GRIN2A: variants seen among roughly 807,000 people sequenced by gnomAD.
GRIN2A encodes glutamate receptor ionotropic, NMDA 2A.
GRIN2A carries 22 observed loss-of-function variants against 113.4 expected under a neutral mutation model. The observed-to-expected ratio is 0.19, with a 90% CI of 0.14 to 0.28. The LOEUF is 0.28. Among genes scored for constraint, GRIN2A ranks in the 10% least tolerant of loss-of-function variants. The pLI, the probability that GRIN2A is intolerant of heterozygous loss-of-function variation, is 1.00. For missense variants in GRIN2A, 1,502 were observed against 1,887.0 expected, an observed-to-expected ratio of 0.80 and a Z score of 3.78; for synonymous variants, 827 against 738.4, an observed-to-expected ratio of 1.12 and a Z score of -1.94.
intron 4 of GRIN2A, among the ~76,000 whole-genome samples, chr16:9,864,312 G>A (rs770945610): frequency 4.6e-5 from 7 of 152,132 alleles, no homozygotes; most frequent in Non-Finnish European, 8.8e-5. Flanking sequence ...GGTAGACTGT[G>A]ATCCTGGGCT....
rs368110989 is a variant in GRIN2A, at chr16:9,829,413, G to T, written c.2007+10C>A. ...ACCCTCAGATGGAGAGGAAAGCAAG[G>T]TGACCTTACCTTTTTGTCACTGAGG... On this transcript the variant is annotated intron_variant, in intron 9 of 12. Transcript: ENST00000330684. The T allele has an allele frequency of 1.3e-6, 2 of 1,587,278 alleles. No homozygotes were observed. The highest frequency in any genetic ancestry group is 1.3e-5 in the African/African-American group (1 of 74,424).
intron 11 of GRIN2A, among the ~76,000 whole-genome samples, chr16:9,778,687 C>G (rs1303865806): frequency 6.6e-6 from 1 of 152,182 alleles, no homozygotes; most frequent in African/African-American, 2.4e-5. Flanking sequence ...TCACAGGATG[C>G]TTCTTTTACC....
At position 9,884,420 on chromosome 16, in the gene GRIN2A, G is replaced by A. The variant is rs535052304; in HGVS notation, c.1122+6566C>T. ...AAAAGTTAGCCAGGAGTGGCTGCACGTGTCTGTAATGCCAGCTATTCGGGA... is the reference window on the plus strand; with the variant it reads ...AAAAGTTAGCCAGGAGTGGCTGCACATGTCTGTAATGCCAGCTATTCGGGA... On this transcript the variant is annotated intron_variant, in intron 4 of 12. Transcript: ENST00000330684. Among the ~76,000 whole-genome samples the A allele has an allele frequency of 1.7e-3, 253 of 152,104 alleles. 1 individual carries two copies. The highest frequency in any genetic ancestry group is 5.2e-3 in the African/African-American group (217 of 41,498).
chr16:9,778,049 G>A (rs2141174594), intron 11 of GRIN2A, among the ~76,000 whole-genome samples: 1 of 152,242 alleles, frequency 6.6e-6, no homozygotes, highest in East Asian at 1.9e-4. Context: ...TGGGCAACAA[G>A]AGTGAAACTG....
intron 3 of GRIN2A, among the ~76,000 whole-genome samples, chr16:9,914,039 A>C (rs2141559651): frequency 1.3e-5 from 2 of 152,252 alleles, no homozygotes; most frequent in South Asian, 2.1e-4. Flanking sequence ...AAAACAATTT[A>C]GAATAGAGGC....
In GRIN2A at chr16:9,787,790, G is replaced by A. The variant is rs1325684827; in HGVS notation, c.2356+10487C>T. On this transcript the variant is annotated intron_variant, in intron 11 of 12. Transcript: ENST00000330684. ...GGAAAACTGTCCCATCCTCTCAAAC[G>A]AGGTTTTCAGATGCTCTGCAGTTCC... Among the ~76,000 whole-genome samples, 6 of 152,122 alleles carry A rather than the reference G, an allele frequency of 3.9e-5. No homozygotes were observed. In the East Asian group the frequency reaches 9.6e-4, roughly 24 times the overall value.
At chr16:10,021,037 T>C (rs531878075) in intron 2 of GRIN2A, among the ~76,000 whole-genome samples, 1 of 152,224 alleles carries the variant, frequency 6.6e-6, no homozygotes, top group East Asian at 1.9e-4. Flanking sequence ...CTCATTAACA[T>C]CTAATCAGCC....
rs1222526611 is a variant in GRIN2A at position 9,906,647 on chromosome 16, A to C, written c.1008-15547T>G. On this transcript the variant is annotated intron_variant, in intron 3 of 12. Transcript: ENST00000330684. ...AGTTCATTCCCTATCTCCTGGAGGC[A>C]AACAACTCACCTTAACAGGGAGAAA... 2.6e-5 allele frequency among the ~76,000 whole-genome samples: 4 copies of C among 152,222 alleles called. 1 individual carries two copies. The highest frequency in any genetic ancestry group is 9.6e-5 in the African/African-American group (4 of 41,458).
At chr16:10,097,977 A>G (rs1296819548) in intron 2 of GRIN2A, among the ~76,000 whole-genome samples, 2 of 152,358 alleles carry the variant, frequency 1.3e-5, no homozygotes, top group East Asian at 1.9e-4. Context: ...CTGCACAGCC[A>G]AAAGAACAGT....
intron 4 of GRIN2A, among the ~76,000 whole-genome samples, chr16:9,883,457 G>A (rs3785186): frequency 0.73 from 110,741 of 152,172 alleles, 42,059 homozygotes; most frequent in African/African-American, 0.94. Flanking sequence ...AGGTCTGCAG[G>A]AATGAAGTGG....
intron 2 of GRIN2A, among the ~76,000 whole-genome samples, chr16:10,144,887 C>T (rs1407476986): frequency 8.0e-6 from 1 of 124,822 alleles, no homozygotes; most frequent in Non-Finnish European, 1.6e-5. Flanking sequence ...TGCCACTGTA[C>T]TCCAGCCTGG....
chr16:10,104,180 T>C (rs1161410999), intron 2 of GRIN2A, among the ~76,000 whole-genome samples: 1 of 152,238 alleles, frequency 6.6e-6, no homozygotes, highest in Admixed American at 6.5e-5. Flanking sequence ...ACAAACCAGT[T>C]TGAAGAAACT....
intron 2 of GRIN2A, among the ~76,000 whole-genome samples, chr16:10,152,508 G>A (rs553518993): frequency 9.9e-5 from 15 of 152,130 alleles, no homozygotes; most frequent in Admixed American, 4.6e-4. Flanking sequence ...AGTCCAGTCC[G>A]TTTTCCCCCC....
In GRIN2A at chr16:9,756,848, C is replaced by A. The variant is rs767640348; in HGVS notation, c.*6301G>T. ...AAAGCTCCCTCTCCACCTCGCCATC[C>A]TTCCTGAAATACACCTCTATTCCTT... On this transcript the variant is annotated 3_prime_UTR_variant, in exon 13 of 13. Coordinates refer to ENST00000330684, the MANE Select transcript of GRIN2A (RefSeq NM_001134407.3). The A allele has an allele frequency of 7.1e-5, 13 of 183,802 alleles. No homozygotes were observed. The highest frequency in any genetic ancestry group is 1.4e-4 in the Non-Finnish European group (12 of 86,568). 11.4% of individuals were successfully genotyped at this position (183,802 alleles called of 1,614,324 possible).
At chr16:9,878,734 T>G (rs2043420000) in intron 4 of GRIN2A, among the ~76,000 whole-genome samples, 1 of 152,150 alleles carries the variant, frequency 6.6e-6, no homozygotes, top group Non-Finnish European at 1.5e-5. Context: ...TGAAAAACTT[T>G]CAGCAGAATG....
Position 9,753,692 on chromosome 16 carries a change from C to T in GRIN2A, c.*9457G>A, listed in dbSNP as rs1376157772. On this transcript the variant is annotated 3_prime_UTR_variant, in exon 13 of 13. Coordinates refer to ENST00000330684, the MANE Select transcript of GRIN2A (RefSeq NM_001134407.3). ...TAGCTATGCTTGGAAATATTTAATA[C>T]ACTTATTAGCACTTCCTCATGCAGT... 2 of 193,692 alleles carry T rather than the reference C, an allele frequency of 1.0e-5. No homozygotes were observed. The highest frequency in any genetic ancestry group is 2.2e-5 in the Non-Finnish European group (2 of 92,990). The allele number at this position is 193,692 out of a possible 1,614,324, so 12.0% of individuals were successfully genotyped here.
At chr16:9,973,330 C>T (rs1292479640) in intron 2 of GRIN2A, among the ~76,000 whole-genome samples, 1 of 152,142 alleles carries the variant, frequency 6.6e-6, no homozygotes, top group Non-Finnish European at 1.5e-5. Context: ...AACTAAGTTT[C>T]TCTGAAGGTT....
chr16:9,786,974 A>G lies in GRIN2A; in HGVS notation c.2356+11303T>C, dbSNP rs80173202. 4.6e-3 allele frequency among the ~76,000 whole-genome samples: 702 copies of G among 152,330 alleles called. 3 individuals are homozygous for G. The highest frequency in any genetic ancestry group is 9.7e-3 in the Admixed American group (148 of 15,292). On this transcript the variant is annotated intron_variant, in intron 11 of 12. Transcript: ENST00000330684. ...AATAAAGTCTTGTCAGAGGGGTTTT[A>G]TTCCATGCTATATAACATGGCTTAG... is the stretch of plus-strand genomic sequence containing the variant.
intron 2 of GRIN2A, among the ~76,000 whole-genome samples, chr16:9,944,293 G>T (rs2044963032): frequency 6.6e-6 from 1 of 152,084 alleles, no homozygotes; most frequent in South Asian, 2.1e-4. Flanking sequence ...AATTTCCAGG[G>T]GTGAGAGGAA....
Sources: gnomAD v4.1 joint callset for allele counts (sites outside exome capture counted in the v4.1 genomes callset) on GRCh38, gnomAD v4.1.1 for gene constraint, MANE v1.5 for transcripts, NCBI Gene and HGNC (gene_info 2026-07-23, HGNC 2026-07-21) for gene names.